TEAD2: variants seen among roughly 807,000 people sequenced by gnomAD.
The protein encoded by TEAD2 is TEA domain transcription factor 2.
Under a neutral mutation model 61.4 loss-of-function variants are expected in TEAD2, and 51 were observed. The observed-to-expected ratio is 0.83, with a 90% CI of 0.66 to 1.05. The LOEUF is 1.05. Among genes scored for constraint, TEAD2 ranks in the 50% least tolerant of loss-of-function variants. The probability of loss-of-function intolerance (pLI) is 0.00; values close to 1 mark genes in which losing one functional copy is unlikely to be tolerated. For synonymous variants in TEAD2, 244 were observed against 243.2 expected, an observed-to-expected ratio of 1.00 and a Z score of -0.03; for missense variants, 509 against 600.0, an observed-to-expected ratio of 0.85 and a Z score of 1.58.
intron 11 of TEAD2, 85 bp from the exon 12 acceptor site, chr19:49,342,675 T>C (rs1330516216): frequency 3.3e-6 from 5 of 1,531,322 alleles, no homozygotes; most frequent in Non-Finnish European, 3.6e-6. Context: ...CCTGTGCCTC[T>C]AAGATGCCAC....
At chr19:49,360,259 TG>T in intron 1 of TEAD2, 178 bp from the exon 2 acceptor site, 1 of 606,876 alleles carries the variant, frequency 1.6e-6, no homozygotes, top group East Asian at 2.8e-5. Context: ...GAGGAGGATC[TG>T]GGGCCTGAAC....
chr19:49,360,381 C>A (rs1264708124), intron 1 of TEAD2: 2 of 424,722 alleles, frequency 4.7e-6, no homozygotes, highest in East Asian at 7.8e-5. Flanking sequence ...GGCCTGGACT[C>A]CTGGGTGTGA....
At chr19:49,350,642 T>C (rs1255679177) in intron 8 of TEAD2, among the ~76,000 whole-genome samples, 3 of 152,064 alleles carry the variant, frequency 2.0e-5, no homozygotes, top group South Asian at 2.1e-4. Context: ...CCTCTTCTTT[T>C]TTAAAATGTT....
chr19:49,341,133 C>A lies in TEAD2; in HGVS notation c.*191G>T. ...TCGGGGTTTATCCTTTCCTCAGTCC[C>A]AGCCTGTTCAGCTCTCCAACCAAGT... On this transcript the variant is annotated 3_prime_UTR_variant, in exon 13 of 13. Transcript: ENST00000593945. This position sits in a 1 kb window ranked among gnomAD's most constrained non-coding sequence, Gnocchi z 4.2. 1.7e-6 allele frequency: 1 copy of A among 585,166 alleles called. No homozygotes were observed. The highest frequency in any genetic ancestry group is 3.0e-6 in the Non-Finnish European group (1 of 328,078). 36.2% of individuals were successfully genotyped at this position (585,166 alleles called of 1,614,324 possible).
In TEAD2 at chr19:49,340,991, AG is replaced by A. The variant is rs1199832863; in HGVS notation, c.*332del. 4.2e-6 allele frequency: 1 copy of A among 238,668 alleles called. No homozygotes were observed. Among genetic ancestry groups the A allele is most frequent in the Non-Finnish European group, 8.3e-6 (1 of 120,846 alleles). 14.8% of individuals were successfully genotyped at this position (238,668 alleles called of 1,614,324 possible). On this transcript the variant is annotated 3_prime_UTR_variant, in exon 13 of 13. Coordinates refer to ENST00000593945, the MANE Select transcript of TEAD2 (RefSeq NM_001256660.2). ...TGCAGAGGAGTGGGGGTGGCCTGTC[AG>A]GGGCTGAAAAGAAAAGCCAGTGCTG... is the stretch of plus-strand genomic sequence containing the variant.
chr19:49,345,327 TTTTCTTTCC>T (rs1031944229), intron 10 of TEAD2, among the ~76,000 whole-genome samples: 3 of 151,676 alleles, frequency 2.0e-5, no homozygotes, highest in African/African-American at 4.8e-5. Context: ...TCCTTCTTTC[TTTTCTTTCC>T]TTTCTTTCCT....
chr19:49,354,087 C>T (rs1374022648), intron 7 of TEAD2, among the ~76,000 whole-genome samples: 2 of 151,482 alleles, frequency 1.3e-5, no homozygotes, highest in Non-Finnish European at 2.9e-5. Context: ...CGTGAGCCAC[C>T]ACACTCGGCC....
chr19:49,356,825 G>A (rs984463552), intron 4 of TEAD2, among the ~76,000 whole-genome samples: 1 of 151,998 alleles, frequency 6.6e-6, no homozygotes, highest in Non-Finnish European at 1.5e-5. Context: ...CTCAGCAACC[G>A]CACCACCATC....
chr19:49,342,471 C>G lies in TEAD2; in HGVS notation c.1209G>C (p.Met403Ile). 4 of 1,614,080 alleles carry G rather than the reference C, an allele frequency of 2.5e-6. No homozygotes were observed. Among genetic ancestry groups the G allele is most frequent in the Non-Finnish European group, 3.4e-6 (4 of 1,179,934 alleles). Residue 403 changes from methionine to isoleucine, a missense_variant, in exon 12 of 13, where the codon ATG (methionine) becomes ATC (isoleucine). By Grantham distance (10) the Met-to-Ile change is conservative. Transcript: ENST00000593945. ...TGGTGAAGTTTTCCAGGACGCTGTT[C>G]ATCATGTATCGCTCAGGCAGCTGCC... is the stretch of plus-strand genomic sequence containing the variant. ...KLRQLPERYM[M>I]NSVLENFTIL...
At chr19:49,354,998 T>C (rs1972279160) in intron 7 of TEAD2, 150 bp downstream of exon 7, 1 of 545,886 alleles carries the variant, frequency 1.8e-6, no homozygotes, top group Non-Finnish European at 3.4e-6. Flanking sequence ...CAAGACTCCA[T>C]GTCAATAAAT....
intron 1 of TEAD2, chr19:49,360,441 G>A: frequency 3.3e-6 from 1 of 307,226 alleles, no homozygotes; most frequent in Non-Finnish European, 6.0e-6. Flanking sequence ...AGGAGAAGGA[G>A]CTGGATTTCT....
intron 10 of TEAD2, among the ~76,000 whole-genome samples, 198 bp from the exon 11 acceptor site, chr19:49,343,596 G>T (rs1188919015): frequency 6.6e-6 from 1 of 151,960 alleles, no homozygotes; most frequent in Non-Finnish European, 1.5e-5. Context: ...AAAATTAGCC[G>T]GGCGTGGTGG....
intron 4 of TEAD2, among the ~76,000 whole-genome samples, chr19:49,356,979 C>T (rs1972444492): frequency 2.0e-5 from 3 of 151,314 alleles, no homozygotes; most frequent in African/African-American, 2.4e-5. Context: ...GGTCTCTGTC[C>T]CCCTCTGTCT....
chr19:49,359,789 GT>G lies in TEAD2; in HGVS notation c.232+54del. 6.4e-7 allele frequency: 1 copy of G among 1,563,638 alleles called. No individual in the cohort carries two copies. ...ACTTCAGAGTGCTCCATAAACCTTG[GT>G]TACTGTCATTATTCATCAGTGGGGG... On this transcript the variant is annotated intron_variant, in intron 2 of 12. Transcript: ENST00000593945. This position sits in a 1 kb window ranked among gnomAD's most constrained non-coding sequence, Gnocchi z 4.1.
At chr19:49,350,856 C>T (rs1971972343) in intron 8 of TEAD2, among the ~76,000 whole-genome samples, 1 of 152,118 alleles carries the variant, frequency 6.6e-6, no homozygotes, top group East Asian at 1.9e-4. Flanking sequence ...ACACACACAC[C>T]CTGCCTCAAA....
intron 1 of TEAD2, 85 bp downstream of exon 1, chr19:49,362,248 A>G (rs1387461815): frequency 6.6e-6 from 1 of 152,422 alleles, no homozygotes; most frequent in African/African-American, 2.4e-5. Context: ...CCCGGGCAAA[A>G]AGAGGGCTGC....
rs1434770617 is a variant in TEAD2 at position 49,341,652 on chromosome 19, G to T, written c.1243-215C>A. Among the ~76,000 whole-genome samples the T allele has an allele frequency of 6.6e-6, 1 of 152,118 alleles. No individual in the cohort carries two copies. Among genetic ancestry groups the T allele is most frequent in the Non-Finnish European group, 1.5e-5 (1 of 68,002 alleles). ...CCCTCAGCTGAGCGTTGGCAGTTATGGTGTATCACATCTCAGGGTTAATCG... is the reference window on the plus strand; with the variant it reads ...CCCTCAGCTGAGCGTTGGCAGTTATTGTGTATCACATCTCAGGGTTAATCG... On this transcript the variant is annotated intron_variant, in intron 12 of 12. Transcript: ENST00000593945. The surrounding 1 kb of genome is among the most constrained non-coding windows in gnomAD (Gnocchi z 4.2).
chr19:49,353,051 G>A (rs1329546875), intron 7 of TEAD2, among the ~76,000 whole-genome samples: 2 of 151,788 alleles, frequency 1.3e-5, no homozygotes, highest in Non-Finnish European at 2.9e-5. Context: ...CCTACCTGAG[G>A]ACTTTGTCGT....
chr19:49,355,862 G>A, intron 5 of TEAD2, 97 bp downstream of exon 5: 3 of 1,139,524 alleles, frequency 2.6e-6, no homozygotes, highest in Non-Finnish European at 3.4e-6. Flanking sequence ...TGGGTTGGGG[G>A]AGGGTTGAAC....
Sources: allele counts gnomAD v4.1 joint callset (sites outside exome capture counted in the v4.1 genomes callset), GRCh38; gene constraint gnomAD v4.1.1; non-coding constraint Gnocchi (gnomAD v3.1); transcripts MANE v1.5; gene names NCBI Gene and HGNC (gene_info 2026-07-23, HGNC 2026-07-21).